CDH23: variants seen among roughly 807,000 people sequenced by gnomAD.
CDH23 encodes the protein cadherin-23.
Under a neutral mutation model 317.1 loss-of-function variants are expected in CDH23, and 189 were observed. The ratio of observed to expected loss-of-function variants is 0.60; its 90% CI spans 0.53 to 0.67. CDH23 has a LOEUF of 0.67. CDH23 is among the 30% of genes least tolerant of loss of function. The pLI is 0.00. For synonymous variants in CDH23, 1,839 were observed against 1,876.8 expected (o/e 0.98, Z 0.52); for missense variants, 4,401 against 4,592.4 (o/e 0.96, Z 1.20).
In CDH23 at chr10:71,566,073, C is replaced by G. The variant is rs192597950; in HGVS notation, c.430-669C>G. ...TGTGAAGGGGGAGACGGGAATGGAC[C>G]ACAAGGGCCTGTGTTCTATGCAAAG... On this transcript the variant is annotated intron_variant, in intron 6 of 69. Coordinates refer to ENST00000224721, the MANE Select transcript of CDH23 (RefSeq NM_022124.6). Among the ~76,000 whole-genome samples the G allele has an allele frequency of 3.3e-5, 5 of 152,300 alleles. No individual in the cohort carries two copies. The East Asian group carries it at 9.6e-4, about 29-fold the overall frequency.
At chr10:71,798,678 T>TGGG (rs1841473779) in intron 50 of CDH23, 100 bp downstream of exon 50, 2 of 943,870 alleles carry the variant, frequency 2.1e-6, no homozygotes, top group Non-Finnish European at 3.1e-6. Context: ...CTCAGTGGAC[T>TGGG]GGGCCAGATC....
At position 71,740,820 on chromosome 10, in the gene CDH23, A is replaced by G; in HGVS notation, c.4489-2A>G. 6.2e-7 allele frequency: 1 copy of G among 1,613,804 alleles called. No homozygotes were observed. Among genetic ancestry groups the G allele is most frequent in the Non-Finnish European group, 8.5e-7 (1 of 1,179,854 alleles). On this transcript the variant is annotated splice_acceptor_variant, in intron 36 of 69. Transcript: ENST00000224721. LOFTEE classifies it high-confidence loss of function. ...TGACTCCAGTTGCCCTCCTCCTTGC[A>G]GGTTGTGGCTTCTGACCGAGGCACC... is the stretch of plus-strand genomic sequence containing the variant.
intron 6 of CDH23, among the ~76,000 whole-genome samples, chr10:71,529,245 G>A (rs111697491): frequency 0.034 from 5,241 of 152,322 alleles, 113 homozygotes; most frequent in Middle Eastern, 0.075. Context: ...AAAGGTTCTA[G>A]GAAGCAGCCA....
At chr10:71,755,465 G>A (rs746539092) in intron 38 of CDH23, 3 of 1,609,522 alleles carry the variant, frequency 1.9e-6, no homozygotes, top group African/African-American at 2.7e-5. Flanking sequence ...CAGCCGTGAT[G>A]TCTGAAAGGG....
At chr10:71,537,964 G>T (rs1855791980) in intron 6 of CDH23, among the ~76,000 whole-genome samples, 1 of 152,204 alleles carries the variant, frequency 6.6e-6, no homozygotes, top group African/African-American at 2.4e-5. Flanking sequence ...CACTCCCTCA[G>T]TAGGGAGCCC....
intron 41 of CDH23, among the ~76,000 whole-genome samples, chr10:71,783,474 C>A (rs533277121): frequency 6.6e-6 from 1 of 152,182 alleles, no homozygotes; most frequent in Non-Finnish European, 1.5e-5. Flanking sequence ...AAGTGGTAAC[C>A]CTCCCCTGGG....
intron 1 of CDH23, among the ~76,000 whole-genome samples, chr10:71,404,438 C>G (rs1848002888): frequency 1.3e-5 from 2 of 152,238 alleles, no homozygotes; most frequent in Admixed American, 1.3e-4. Context: ...CCACTTTATT[C>G]ATTTCCGATA....
At chr10:71,439,029 G>T (rs927244373) in intron 1 of CDH23, among the ~76,000 whole-genome samples, 1 of 152,186 alleles carries the variant, frequency 6.6e-6, no homozygotes, top group African/African-American at 2.4e-5. Flanking sequence ...AATGGGACCA[G>T]AGTGGGGACT....
At chr10:71,425,232 G>GGAGAGAGAGAGA (rs748338206) in intron 1 of CDH23, among the ~76,000 whole-genome samples, 6 of 73,964 alleles carry the variant, frequency 8.1e-5, no homozygotes, top group African/African-American at 2.3e-4. Context: ...AGAGAGAGAG[G>GGAGAGAGAGAGA]GAGAGAGAGA....
intron 9 of CDH23, among the ~76,000 whole-genome samples, chr10:71,584,542 C>CTCTGTGTGTGTGTGTG (rs1858899493): frequency 1.4e-5 from 2 of 145,658 alleles, no homozygotes; most frequent in Non-Finnish European, 3.0e-5. Context: ...GAAGGGAAGT[C>CTCTGTGTGTGTGTGTG]TGTGTGTGTG....
intron 8 of CDH23, among the ~76,000 whole-genome samples, chr10:71,574,008 G>T (rs1453627973): frequency 2.0e-5 from 3 of 152,120 alleles, no homozygotes; most frequent in Non-Finnish European, 4.4e-5. Context: ...GGCCCTCCAT[G>T]TCCCTTTACA....
chr10:71,576,542 A>C (rs1408051598), intron 8 of CDH23, among the ~76,000 whole-genome samples: 1 of 152,134 alleles, frequency 6.6e-6, no homozygotes, highest in African/African-American at 2.4e-5. Flanking sequence ...CTGCTGATAA[A>C]CAGTGAGTGG....
At position 71,440,179 on chromosome 10, in the gene CDH23, C is replaced by T. The variant is rs139221685; in HGVS notation, c.67+281C>T. 1.5e-3 allele frequency among the ~76,000 whole-genome samples: 228 copies of T among 152,272 alleles called. 2 individuals are homozygous for T. Among genetic ancestry groups the T allele is most frequent in the African/African-American group, 5.3e-3 (221 of 41,554 alleles). On this transcript the variant is annotated intron_variant, in intron 2 of 69. Transcript: ENST00000224721. ...TCTAAGGGAAGGAGGCACCTGTGAC[C>T]GTGAACCGTCCTCCTCCTGGGGTGC... is the stretch of plus-strand genomic sequence containing the variant.
rs376272746 is a variant in CDH23 at position 71,524,439 on chromosome 10, G to A, written c.429+13227G>A. Among the ~76,000 whole-genome samples, 5 of 152,214 alleles carry A rather than the reference G, an allele frequency of 3.3e-5. No individual in the cohort carries two copies. The East Asian group carries it at 7.7e-4, about 23-fold the overall frequency. On this transcript the variant is annotated intron_variant, in intron 6 of 69. Coordinates refer to ENST00000224721, the MANE Select transcript of CDH23 (RefSeq NM_022124.6). ...GGTTCGAGCTCCCTGCCAGGCCGTG[G>A]GAGAAGGGCTGAGTCTGGCCTCGTC...
At chr10:71,524,702 G>A (rs995391388) in intron 6 of CDH23, among the ~76,000 whole-genome samples, 2 of 152,172 alleles carry the variant, frequency 1.3e-5, no homozygotes, top group African/African-American at 2.4e-5. Flanking sequence ...ATAAGAAGCA[G>A]GTAGGAGGGT....
At chr10:71,543,407 T>C (rs1230521902) in intron 6 of CDH23, among the ~76,000 whole-genome samples, 1 of 152,178 alleles carries the variant, frequency 6.6e-6, no homozygotes, top group African/African-American at 2.4e-5. Context: ...CACCCACAGA[T>C]CAGATGTCTG....
At chr10:71,524,730 C>G (rs899124492) in intron 6 of CDH23, among the ~76,000 whole-genome samples, 1 of 152,082 alleles carries the variant, frequency 6.6e-6, no homozygotes, top group Non-Finnish European at 1.5e-5. Context: ...GAAGACATGA[C>G]AGTGGATGCA....
chr10:71,685,399 C>T (rs997337853), intron 18 of CDH23, among the ~76,000 whole-genome samples: 2 of 152,216 alleles, frequency 1.3e-5, no homozygotes, highest in African/African-American at 4.8e-5. Context: ...TGGAGCATCT[C>T]GTTGTGCCTC....
chr10:71,745,296 G>A (rs1253212460), intron 38 of CDH23, among the ~76,000 whole-genome samples: 1 of 152,200 alleles, frequency 6.6e-6, no homozygotes, highest in Non-Finnish European at 1.5e-5. Context: ...GGTCAGTCTT[G>A]GTTAGCACAG....
Sources: gnomAD v4.1 joint callset for allele counts (sites outside exome capture counted in the v4.1 genomes callset) on GRCh38, gnomAD v4.1.1 for gene constraint, MANE v1.5 for transcripts, NCBI Gene and HGNC (gene_info 2026-07-23, HGNC 2026-07-21) for gene names.